PKN2: variants seen among roughly 807,000 people sequenced by gnomAD.
The protein encoded by PKN2 is serine/threonine-protein kinase N2.
In PKN2, 38 loss-of-function variants were observed where a neutral mutation model predicts 119.1. The observed-to-expected ratio is 0.32, with a 90% confidence interval of 0.25 to 0.42. The LOEUF (loss-of-function observed/expected upper bound fraction) is 0.42, where lower values mean the gene tolerates loss of function less well. Ranked by LOEUF, PKN2 falls within the 10% of genes least tolerant of loss-of-function variation. The probability of loss-of-function intolerance (pLI) is 1.00; values close to 1 mark genes in which losing one functional copy is unlikely to be tolerated. For synonymous variants in PKN2, 390 were observed against 384.9 expected (o/e 1.01, Z -0.15); for missense variants, 850 against 1,165.1 (o/e 0.73, Z 3.94).
At chr1:88,751,640 T>G (rs114010128) in intron 2 of PKN2, among the ~76,000 whole-genome samples, 1,659 of 152,256 alleles carry the variant, frequency 0.011, 26 homozygotes, top group African/African-American at 0.039. Context: ...TTTATATCAT[T>G]TTAGCTTCAA....
intron 15 of PKN2, among the ~76,000 whole-genome samples, chr1:88,812,578 A>C (rs1463734607): frequency 6.6e-6 from 1 of 152,084 alleles, no homozygotes; most frequent in Admixed American, 6.6e-5. Flanking sequence ...TGTTCCTATC[A>C]AAAAAATAAA....
intron 1 of PKN2, among the ~76,000 whole-genome samples, chr1:88,708,659 A>C (rs1667099738): frequency 7.1e-6 from 1 of 140,914 alleles, no homozygotes; most frequent in Non-Finnish European, 1.5e-5. Context: ...ATGGGGTTTC[A>C]CCATATTGGC....
intron 4 of PKN2, among the ~76,000 whole-genome samples, chr1:88,770,855 G>T (rs1669865413): frequency 6.6e-6 from 1 of 150,530 alleles, no homozygotes; most frequent in African/African-American, 2.4e-5. Flanking sequence ...AAAGTGCTGG[G>T]ATTACAGGCG....
chr1:88,775,965 G>A (rs1159989672), intron 6 of PKN2, among the ~76,000 whole-genome samples: 2 of 151,852 alleles, frequency 1.3e-5, no homozygotes, highest in East Asian at 1.9e-4. Context: ...AAAATTAGCC[G>A]GGCGTGGTGG....
chr1:88,824,334 G>T lies in PKN2; in HGVS notation c.2367G>T (p.Leu789Phe), dbSNP rs771912894. 1 of 1,589,766 alleles carries T rather than the reference G, an allele frequency of 6.3e-7. No homozygotes were observed. The highest frequency in any genetic ancestry group is 8.6e-7 in the Non-Finnish European group (1 of 1,160,392). ...VYRDLKLDNL[L>F]LDTEGFVKIA... The stretch of plus-strand genomic sequence containing the variant: ...GAGATTTGAAATTGGATAACTTATT[G>T]CTAGATACAGAGGGCTTTGTGAAAA... The change falls in exon 18 of 22, where the codon TTG becomes TTT. Residue 789 changes from leucine (L) to phenylalanine (F), a missense_variant. Leu to Phe is a conservative substitution (Grantham distance 22, BLOSUM62 0). Coordinates refer to ENST00000370521, the MANE Select transcript of PKN2 (RefSeq NM_006256.4).
chr1:88,753,654 G>A (rs1451091490), intron 2 of PKN2, among the ~76,000 whole-genome samples: 2 of 145,406 alleles, frequency 1.4e-5, no homozygotes, highest in South Asian at 2.1e-4. Context: ...AAGCAAACCC[G>A]TCTTACATGG....
At chr1:88,788,972 G>C (rs1489373837) in intron 8 of PKN2, among the ~76,000 whole-genome samples, 1 of 152,066 alleles carries the variant, frequency 6.6e-6, no homozygotes, top group Non-Finnish European at 1.5e-5. Flanking sequence ...CTTTCCTTTA[G>C]AATAACGTTA....
chr1:88,777,895 T>A (rs1370562514), intron 6 of PKN2, among the ~76,000 whole-genome samples: 1 of 152,200 alleles, frequency 6.6e-6, no homozygotes, highest in East Asian at 1.9e-4. Flanking sequence ...GTCTCTTCTT[T>A]CTGAAGCCTG....
intron 2 of PKN2, among the ~76,000 whole-genome samples, chr1:88,759,006 A>T (rs1669332950): frequency 1.3e-5 from 2 of 152,206 alleles, no homozygotes; most frequent in Admixed American, 1.3e-4. Context: ...TCCCACCAAC[A>T]GTGTATAAGC....
At chr1:88,693,199 G>A (rs767753077) in intron 1 of PKN2, among the ~76,000 whole-genome samples, 93 of 152,144 alleles carry the variant, frequency 6.1e-4, no homozygotes, top group Non-Finnish European at 1.1e-3. Flanking sequence ...TGTTTAAAGG[G>A]CAGTATATTC....
At chr1:88,745,208 T>C (rs1003127658) in intron 2 of PKN2, among the ~76,000 whole-genome samples, 7 of 152,292 alleles carry the variant, frequency 4.6e-5, no homozygotes, top group African/African-American at 1.7e-4. Flanking sequence ...AGGAACAAGA[T>C]CAGGATGCTC....
chr1:88,768,699 C>T (rs537895816), intron 3 of PKN2, among the ~76,000 whole-genome samples: 2 of 152,316 alleles, frequency 1.3e-5, no homozygotes, highest in African/African-American at 4.8e-5. Context: ...GCATATAATT[C>T]CTTCTGTCAC....
At chr1:88,765,693 C>T (rs1477461066) in intron 3 of PKN2, among the ~76,000 whole-genome samples, 1 of 152,150 alleles carries the variant, frequency 6.6e-6, no homozygotes, top group African/African-American at 2.4e-5. Context: ...TATAAAAGCA[C>T]TTAACATGAG....
chr1:88,801,887 T>C (rs1671325998), intron 8 of PKN2, among the ~76,000 whole-genome samples: 1 of 152,238 alleles, frequency 6.6e-6, no homozygotes, highest in Non-Finnish European at 1.5e-5. Context: ...TGGCTGGAGC[T>C]GGACCTCACA....
At chr1:88,808,688 AT>A (rs1401361172) in intron 15 of PKN2, among the ~76,000 whole-genome samples, 24 of 152,352 alleles carry the variant, frequency 1.6e-4, no homozygotes, top group African/African-American at 5.8e-4. Context: ...GACTATCTTA[AT>A]ACAGAATAAT....
rs545545810 is a variant in PKN2, at chr1:88,714,287, A to G, written c.49-26701A>G. 3.7e-4 allele frequency among the ~76,000 whole-genome samples: 56 copies of G among 152,268 alleles called. 1 individual carries two copies. In the South Asian group the frequency reaches 4.4e-3, roughly 12 times the overall value. ...CGGGCTCTTTTTTGGTTCCGTATGA[A>G]CTTTAAAGTAGTTTTTTCCAATTCT... On this transcript the variant is annotated intron_variant, in intron 1 of 21. Transcript: ENST00000370521.
chr1:88,735,304 A>C (rs1007305929), intron 1 of PKN2, among the ~76,000 whole-genome samples: 2 of 152,022 alleles, frequency 1.3e-5, no homozygotes, highest in Non-Finnish European at 2.9e-5. Flanking sequence ...GACTACAGCC[A>C]CACGCCACCA....
At chr1:88,719,156 T>C (rs918549424) in intron 1 of PKN2, among the ~76,000 whole-genome samples, 1 of 152,228 alleles carries the variant, frequency 6.6e-6, no homozygotes, top group African/African-American at 2.4e-5. Context: ...TAAATCACAT[T>C]TGTGTCAAAT....
At chr1:88,730,015 A>G (rs1471366605) in intron 1 of PKN2, among the ~76,000 whole-genome samples, 2 of 152,100 alleles carry the variant, frequency 1.3e-5, no homozygotes, top group Admixed American at 1.3e-4. Flanking sequence ...ATACAAAAAA[A>G]TTAGCCGGGT....
Sources: gnomAD v4.1 joint callset for allele counts (sites outside exome capture counted in the v4.1 genomes callset) on GRCh38, gnomAD v4.1.1 for gene constraint, MANE v1.5 for transcripts, NCBI Gene and HGNC (gene_info 2026-07-23, HGNC 2026-07-21) for gene names.